Variants in SCN9A observed in about 807,000 individuals in gnomAD.
SCN9A encodes the protein sodium voltage-gated channel alpha subunit 9.
A neutral mutation model predicts 187.0 loss-of-function variants in SCN9A; 131 were observed. The ratio of observed to expected loss-of-function variants is 0.70; its 90% CI spans 0.61 to 0.81. The LOEUF is 0.81. Ranked by LOEUF, SCN9A falls within the 30% of genes least tolerant of loss-of-function variation. The pLI, the probability that SCN9A is intolerant of heterozygous loss-of-function variation, is 0.00. For synonymous variants in SCN9A, 809 were observed against 808.6 expected, an observed-to-expected ratio of 1.00 and a Z score of -0.01; for missense variants, 2,252 against 2,396.6, an observed-to-expected ratio of 0.94 and a Z score of 1.26.
At chr2:166,274,727 G>A (rs2106464749) in intron 16 of SCN9A, among the ~76,000 whole-genome samples, 1 of 152,148 alleles carries the variant, frequency 6.6e-6, no homozygotes, top group Admixed American at 6.5e-5. Context: ...AATTCTACAC[G>A]AATGAAACAC....
At chr2:166,230,284 A>G (rs902069567) in intron 21 of SCN9A, among the ~76,000 whole-genome samples, 2 of 152,178 alleles carry the variant, frequency 1.3e-5, no homozygotes, top group Admixed American at 6.5e-5. Flanking sequence ...GCATGAAATT[A>G]TATAACAAAC....
At chr2:166,269,371 T>C (rs1696877252) in intron 17 of SCN9A, among the ~76,000 whole-genome samples, 1 of 151,990 alleles carries the variant, frequency 6.6e-6, no homozygotes, top group Admixed American at 6.6e-5. Context: ...ATATATAAAT[T>C]CTATAGCTGC....
intron 26 of SCN9A, among the ~76,000 whole-genome samples, chr2:166,200,084 G>A (rs934646551): frequency 2.4e-5 from 3 of 126,998 alleles, no homozygotes; most frequent in Non-Finnish European, 3.2e-5. Context: ...TGCAAGCTCC[G>A]CCTCCCGGGT....
chr2:166,221,628 C>A (rs187679332), intron 24 of SCN9A, among the ~76,000 whole-genome samples: 1 of 152,178 alleles, frequency 6.6e-6, no homozygotes, highest in African/African-American at 2.4e-5. Flanking sequence ...AAACTCTTGG[C>A]CACAAGTGAT....
At chr2:166,302,757 AT>A (rs1698611462) in intron 7 of SCN9A, 1 of 149,358 alleles carries the variant, frequency 6.7e-6, no homozygotes, top group Admixed American at 6.7e-5. Flanking sequence ...ATTATATAAA[AT>A]ATATAATCTA....
intron 9 of SCN9A, among the ~76,000 whole-genome samples, chr2:166,291,075 G>A (rs1478397279): frequency 6.6e-6 from 1 of 152,060 alleles, no homozygotes; most frequent in African/African-American, 2.4e-5. Flanking sequence ...TGGAATTTCT[G>A]GCCAGGGCAA....
intron 21 of SCN9A, among the ~76,000 whole-genome samples, chr2:166,232,195 G>A (rs116448839): frequency 0.021 from 3,139 of 152,224 alleles, 119 homozygotes; most frequent in African/African-American, 0.072. Flanking sequence ...ACAGAAAATA[G>A]AGTTGTTGTC....
At chr2:166,259,849 A>G (rs1574823320) in intron 17 of SCN9A, among the ~76,000 whole-genome samples, 1 of 151,806 alleles carries the variant, frequency 6.6e-6, no homozygotes, top group African/African-American at 2.4e-5. Flanking sequence ...AACAAATCCA[A>G]TGAAGATGGA....
chr2:166,236,454 C>T (rs1462323264), intron 20 of SCN9A, among the ~76,000 whole-genome samples: 1 of 151,882 alleles, frequency 6.6e-6, no homozygotes, highest in Non-Finnish European at 1.5e-5. Context: ...GGAGTCTCAC[C>T]CTGTCGCCCA....
intron 1 of SCN9A, among the ~76,000 whole-genome samples, chr2:166,366,101 A>G (rs374350913): frequency 1.4e-4 from 21 of 152,150 alleles, no homozygotes; most frequent in African/African-American, 4.3e-4. Context: ...ACAAACCTCA[A>G]TGGCACCAAT....
intron 17 of SCN9A, among the ~76,000 whole-genome samples, chr2:166,264,412 G>C (rs1248875795): frequency 6.6e-6 from 1 of 151,950 alleles, no homozygotes; most frequent in Non-Finnish European, 1.5e-5. Context: ...AGTGAAAAGA[G>C]TATTATTCTC....
At chr2:166,374,917 T>A (rs1384241061) in intron 1 of SCN9A, among the ~76,000 whole-genome samples, 1 of 150,264 alleles carries the variant, frequency 6.7e-6, no homozygotes, top group Non-Finnish European at 1.5e-5. Flanking sequence ...ACGCTCCAAC[T>A]TAAAAAAAAA....
rs1018496713 is a variant in SCN9A, at chr2:166,255,087, G to A, written c.3352-3202C>T. 4.7e-5 allele frequency among the ~76,000 whole-genome samples: 7 copies of A among 150,018 alleles called. No individual in the cohort carries two copies. The South Asian group carries it at 1.3e-3, about 27-fold the overall frequency. On this transcript the variant is annotated intron_variant, in intron 17 of 26. Coordinates refer to ENST00000642356, the MANE Select transcript of SCN9A (RefSeq NM_001365536.1). ...ACTATCTCCTTGATTCAACCCCCTTGAGGTAATCGAGAGAGAGAAAAAGAG... is the reference window on the plus strand; with the variant it reads ...ACTATCTCCTTGATTCAACCCCCTTAAGGTAATCGAGAGAGAGAAAAAGAG...
intron 19 of SCN9A, among the ~76,000 whole-genome samples, chr2:166,239,513 C>A (rs568969382): frequency 7.2e-5 from 11 of 152,128 alleles, no homozygotes; most frequent in African/African-American, 2.2e-4. Context: ...AGAAAAGAGA[C>A]AAGTTGGGGC....
Position 166,200,154 on chromosome 2 carries a change from C to A in SCN9A, c.4775-290G>T, listed in dbSNP as rs570164397. ...CTGGGACTACAGGCGCCCGCTACCA[C>A]GCCCGGCTAATTTTTTGTATTTTTA... On this transcript the variant is annotated intron_variant, in intron 26 of 26. Transcript: ENST00000642356. Among the ~76,000 whole-genome samples the A allele has an allele frequency of 2.7e-5, 4 of 148,384 alleles. No individual in the cohort carries two copies. In the East Asian group the frequency reaches 7.9e-4, roughly 29 times the overall value.
Position 166,238,189 on chromosome 2 carries a change from T to G in SCN9A, c.3706A>C (p.Ile1236Leu). The G allele has an allele frequency of 6.2e-7, 1 of 1,607,610 alleles. No homozygotes were observed. The highest frequency in any genetic ancestry group is 8.5e-7 in the Non-Finnish European group (1 of 1,175,458). The change falls in exon 20 of 27, where the codon ATC becomes CTC. Residue 1236 changes from isoleucine to leucine, a missense_variant. Transcript: ENST00000642356. ...LEYADKIFTY[I>L]FILEMLLKWI... ...TTTAGAAGCATTTCCAGAATGAAGA[T>G]GTAAGTGAAGATCTTGTCTGCATAC...
rs33924683 is a variant in SCN9A, at chr2:166,228,247, C to CTTTTTTTTTTTTTTTT, written c.4206+428_4206+443dup. On this transcript the variant is annotated intron_variant, in intron 22 of 26. Transcript: ENST00000642356. ...GAACATGTTCTAGGAAAGACCAACA[C>CTTTTTTTTTTTTTTTT]TTTTTTTTTTTTTTTTTTTTTTTTT... Among the ~76,000 whole-genome samples, 36 of 85,996 alleles carry CTTTTTTTTTTTTTTTT rather than the reference C, an allele frequency of 4.2e-4. 2 individuals carry two copies. Among genetic ancestry groups the CTTTTTTTTTTTTTTTT allele is most frequent in the African/African-American group, 1.5e-3 (33 of 21,902 alleles). The allele number at this position is 85,996 out of a possible 152,430, so 56.4% of individuals were successfully genotyped here.
chr2:166,240,353 A>T (rs909885166), intron 19 of SCN9A, among the ~76,000 whole-genome samples: 1 of 152,148 alleles, frequency 6.6e-6, no homozygotes, highest in South Asian at 2.1e-4. Flanking sequence ...CTATACTTTT[A>T]AAAAATCTAG....
intron 1 of SCN9A, among the ~76,000 whole-genome samples, chr2:166,327,300 G>A (rs1221324304): frequency 6.6e-6 from 1 of 152,008 alleles, no homozygotes; most frequent in African/African-American, 2.4e-5. Context: ...CCACAGGTGC[G>A]TGCCACCATG....
Sources: gnomAD v4.1 joint callset for allele counts (sites outside exome capture counted in the v4.1 genomes callset) on GRCh38, gnomAD v4.1.1 for gene constraint, MANE v1.5 for transcripts, NCBI Gene and HGNC (gene_info 2026-07-23, HGNC 2026-07-21) for gene names.